The following ZFHX3 variants were observed in gnomAD, a reference collection of about 807,000 sequenced individuals.
The protein encoded by ZFHX3 is zinc finger homeobox protein 3.
ZFHX3 carries 42 observed loss-of-function variants against 279.1 expected under a neutral mutation model. The observed-to-expected ratio is 0.15, with a 90% CI of 0.12 to 0.19. ZFHX3 has a LOEUF of 0.19. Among genes scored for constraint, ZFHX3 ranks in the 10% least tolerant of loss-of-function variants. The pLI is 1.00. For synonymous variants in ZFHX3, 2,293 were observed against 1,957.8 expected, an observed-to-expected ratio of 1.17 and a Z score of -4.52; for missense variants, 4,981 against 4,754.0, an observed-to-expected ratio of 1.05 and a Z score of -1.40.
intron 2 of ZFHX3, among the ~76,000 whole-genome samples, chr16:72,956,375 G>A (rs1236324500): frequency 6.6e-6 from 1 of 152,184 alleles, no homozygotes; most frequent in East Asian, 1.9e-4. Flanking sequence ...CAGCGTCACG[G>A]GATGGGACGC....
rs184319661 is a variant in ZFHX3, at chr16:72,928,104, G to T, written c.3216+22365C>A. On this transcript the variant is annotated intron_variant, in intron 3 of 9. Transcript: ENST00000268489. ...GGTGCTCAATGATGTGGAGGATGGG[G>T]GGAGGGGAGGGGGAGGGGAGAGAGG... Among the ~76,000 whole-genome samples, 311 of 95,068 alleles carry T rather than the reference G, an allele frequency of 3.3e-3. 4 individuals carry two copies. The highest frequency in any genetic ancestry group is 0.029 in the Admixed American group (281 of 9,572). 62.4% of individuals were successfully genotyped at this position (95,068 alleles called of 152,430 possible).
intron 3 of ZFHX3, among the ~76,000 whole-genome samples, chr16:72,923,861 C>T (rs952613699): frequency 2.0e-5 from 3 of 152,194 alleles, no homozygotes; most frequent in Admixed American, 1.3e-4. Context: ...TGAATTGCCT[C>T]GTCCTACCAC....
chr16:73,408,025 G>A (rs1371460394), intron 3 of ZFHX3, among the ~76,000 whole-genome samples: 1 of 151,952 alleles, frequency 6.6e-6, no homozygotes, highest in Non-Finnish European at 1.5e-5. Flanking sequence ...AGGCCAAGAG[G>A]AGGGGAGTGA....
chr16:73,840,629 CT>C (rs1370486805), intron 1 of ZFHX3, among the ~76,000 whole-genome samples: 2 of 152,186 alleles, frequency 1.3e-5, no homozygotes, highest in Admixed American at 1.3e-4. Context: ...GACAGAAGCA[CT>C]TTTTGTCCAT....
intron 3 of ZFHX3, among the ~76,000 whole-genome samples, chr16:72,909,436 T>C (rs985555911): frequency 1.3e-5 from 2 of 152,182 alleles, no homozygotes; most frequent in Admixed American, 6.5e-5. Context: ...TTCCCTGACC[T>C]AAAACCCCGT....
intron 2 of ZFHX3, among the ~76,000 whole-genome samples, chr16:73,458,783 A>G (rs2018422256): frequency 6.6e-6 from 1 of 152,130 alleles, no homozygotes; most frequent in South Asian, 2.1e-4. Context: ...ATGATTTCCG[A>G]TTGTCTGCTC....
intron 1 of ZFHX3, among the ~76,000 whole-genome samples, chr16:73,711,620 A>G (rs1169403081): frequency 6.6e-6 from 1 of 152,210 alleles, no homozygotes; most frequent in East Asian, 1.9e-4. Context: ...TCAGCCAGAA[A>G]ATCACACTGC....
chr16:72,848,879 C>G (rs1300527589), intron 4 of ZFHX3, among the ~76,000 whole-genome samples: 2 of 152,078 alleles, frequency 1.3e-5, no homozygotes, highest in Non-Finnish European at 2.9e-5. Flanking sequence ...ACGGCTGGAG[C>G]TGGCGAGCTG....
chr16:73,858,527 C>T (rs1380135470), intron 1 of ZFHX3, among the ~76,000 whole-genome samples: 1 of 152,252 alleles, frequency 6.6e-6, no homozygotes, highest in African/African-American at 2.4e-5. Flanking sequence ...TAGGGCCTTG[C>T]ATAGCATTAT....
chr16:73,657,402 G>A (rs1038573479), intron 2 of ZFHX3, among the ~76,000 whole-genome samples: 12 of 152,216 alleles, frequency 7.9e-5, no homozygotes, highest in Non-Finnish European at 1.0e-4. Flanking sequence ...AGGTTGCAGC[G>A]AGCCAAGATC....
intron 3 of ZFHX3, among the ~76,000 whole-genome samples, chr16:73,318,887 T>C (rs898908391): frequency 1.3e-5 from 2 of 152,176 alleles, no homozygotes; most frequent in African/African-American, 4.8e-5. Flanking sequence ...ATTATGAAAG[T>C]GTCCTATGCT....
chr16:73,279,201 CAAAGGT>C (rs2014394676), intron 4 of ZFHX3, among the ~76,000 whole-genome samples: 1 of 152,022 alleles, frequency 6.6e-6, no homozygotes, highest in African/African-American at 2.4e-5. Context: ...AGGATCCCAT[CAAAGGT>C]ATTGGTTTTT....
chr16:72,866,751 G>A (rs1290347341), intron 4 of ZFHX3, among the ~76,000 whole-genome samples: 6 of 152,108 alleles, frequency 3.9e-5, no homozygotes, highest in Admixed American at 3.3e-4. Flanking sequence ...CTATCCCAGA[G>A]GTTCTTCAAA....
At chr16:73,385,350 C>T (rs937301644) in intron 3 of ZFHX3, among the ~76,000 whole-genome samples, 1 of 152,168 alleles carries the variant, frequency 6.6e-6, no homozygotes, top group Admixed American at 6.5e-5. Flanking sequence ...ATGAACACTC[C>T]TGCATGTTTG....
At chr16:73,804,594 A>G (rs1251743496) in intron 1 of ZFHX3, among the ~76,000 whole-genome samples, 1 of 152,102 alleles carries the variant, frequency 6.6e-6, no homozygotes. Flanking sequence ...CTGGAAACTC[A>G]TTTGATATAA....
intron 1 of ZFHX3, among the ~76,000 whole-genome samples, chr16:73,845,684 G>C (rs755202711): frequency 6.6e-6 from 1 of 152,154 alleles, no homozygotes; most frequent in African/African-American, 2.4e-5. Context: ...TCCAACATGC[G>C]TTGTCATGGA....
At chr16:73,729,444 G>A (rs144753979) in intron 1 of ZFHX3, among the ~76,000 whole-genome samples, 6 of 152,122 alleles carry the variant, frequency 3.9e-5, no homozygotes, top group African/African-American at 7.2e-5. Context: ...CTGGAGAATC[G>A]CTTGAACCTG....
At chr16:73,745,423 A>G (rs1313690561) in intron 1 of ZFHX3, among the ~76,000 whole-genome samples, 1 of 152,218 alleles carries the variant, frequency 6.6e-6, no homozygotes, top group Non-Finnish European at 1.5e-5. Context: ...GGAGCAGGGC[A>G]TAGACTCCTG....
chr16:73,448,611 G>A (rs2018227953), intron 3 of ZFHX3, among the ~76,000 whole-genome samples: 1 of 151,878 alleles, frequency 6.6e-6, no homozygotes, highest in Non-Finnish European at 1.5e-5. Flanking sequence ...CTGGAGTAGA[G>A]ACTGCGACAG....
Sources: allele counts gnomAD v4.1 joint callset (sites outside exome capture counted in the v4.1 genomes callset), GRCh38; gene constraint gnomAD v4.1.1; transcripts MANE v1.5; gene names NCBI Gene and HGNC (gene_info 2026-07-23, HGNC 2026-07-21).